XRCC3: variants seen among roughly 807,000 people sequenced by gnomAD.
The protein encoded by XRCC3 is DNA repair protein XRCC3.
A neutral mutation model predicts 29.2 loss-of-function variants in XRCC3; 34 were observed. That is an observed-to-expected ratio of 1.16 (90% CI 0.88 to 1.55). The LOEUF (loss-of-function observed/expected upper bound fraction) is 1.55. Among genes scored for constraint, XRCC3 ranks in the 40% most tolerant of loss-of-function variants. The probability of loss-of-function intolerance (pLI) is 0.00; values close to 1 mark genes in which losing one functional copy is unlikely to be tolerated. For synonymous variants in XRCC3, 223 were observed against 211.3 expected, an observed-to-expected ratio of 1.06 and a Z score of -0.48; for missense variants, 463 against 467.6, an observed-to-expected ratio of 0.99 and a Z score of 0.09.
intron 6 of XRCC3, chr14:103,705,850 G>T (rs3212065): frequency 2.0e-4 from 33 of 164,596 alleles, no homozygotes; most frequent in Non-Finnish European, 4.3e-4. Context: ...GGAGAATGAG[G>T]GCGGCTCCCG....
Position 103,707,193 on chromosome 14 carries a change from C to T in XRCC3, c.216G>A (p.Lys72=), listed in dbSNP as rs950440532. ...GCTGGTGCTGCGTGGGGAACCGCTC[C>T]TTCTGCTGGTGCAGCTGCAGTGCTA... ...ILTALQLHQQ[K]ERFPTQHQRL... is the part of the protein sequence containing the mutation. Residue 72 remains lysine, a synonymous_variant, in exon 6 of 10, where the codon AAG becomes AAA. Transcript: ENST00000555055. 1.4e-5 allele frequency: 21 copies of T among 1,548,852 alleles called. No homozygotes were observed. The highest frequency in any genetic ancestry group is 3.9e-5 in the Admixed American group (2 of 50,982).
At chr14:103,705,983 T>G (rs1466501923) in intron 6 of XRCC3, 1 of 230,034 alleles carries the variant, frequency 4.3e-6, no homozygotes, top group East Asian at 1.1e-4. Context: ...GTCTCCAGGC[T>G]CATCCCCAAG....
intron 1 of XRCC3, among the ~76,000 whole-genome samples, chr14:103,714,633 G>A (rs977413665): frequency 7.9e-5 from 12 of 152,100 alleles, no homozygotes; most frequent in Admixed American, 2.0e-4. Context: ...AAAAATTCAC[G>A]CCTTGTAATA....
At chr14:103,703,349 T>G in intron 6 of XRCC3, 22 bp from the exon 7 acceptor site, 1 of 1,541,834 alleles carries the variant, frequency 6.5e-7, no homozygotes, top group South Asian at 1.2e-5. Flanking sequence ...GAGTGCCTGA[T>G]GTGCCCAGGG....
chr14:103,706,817 T>G, intron 6 of XRCC3, 186 bp downstream of exon 6: 1 of 736,488 alleles, frequency 1.4e-6, no homozygotes, highest in Non-Finnish European at 2.3e-6. Context: ...TGCTGTCAGC[T>G]GAGCCCAGCC....
intron 7 of XRCC3, chr14:103,700,524 C>G (rs1724979475): frequency 1.5e-6 from 1 of 661,744 alleles, no homozygotes; most frequent in African/African-American, 1.9e-5. Context: ...ATGGAGGCTG[C>G]TAAGGGGCCC....
At chr14:103,700,444 T>C in intron 7 of XRCC3, 1 of 476,098 alleles carries the variant, frequency 2.1e-6, no homozygotes, top group East Asian at 3.6e-5. Flanking sequence ...TGGGGGAGGG[T>C]GACACAGCTG....
At chr14:103,700,619 C>CGCCCT in intron 7 of XRCC3, 1 of 1,576,020 alleles carries the variant, frequency 6.3e-7, no homozygotes, top group Non-Finnish European at 8.7e-7. Context: ...GCCGCCTGCA[C>CGCCCT]GCCCTGAGTG....
chr14:103,701,310 A>G (rs2083181484), intron 7 of XRCC3: 21 of 1,182,530 alleles, frequency 1.8e-5, no homozygotes, highest in Non-Finnish European at 2.3e-5. Flanking sequence ...CGCAGCGCTC[A>G]CTCATTTCTC....
chr14:103,710,893 C>A, intron 4 of XRCC3, 140 bp downstream of exon 4: 4 of 737,904 alleles, frequency 5.4e-6, no homozygotes, highest in Middle Eastern at 2.3e-4. Context: ...CCTGAAAATC[C>A]CATAGTACAT....
intron 6 of XRCC3, 185 bp from the exon 7 acceptor site, chr14:103,703,512 G>A: frequency 1.4e-6 from 1 of 693,852 alleles, no homozygotes; most frequent in Non-Finnish European, 2.5e-6. Context: ...CCACCTCCGG[G>A]GCCAGGTGAC....
chr14:103,700,680 G>T (rs1450763984), intron 7 of XRCC3: 1 of 1,607,636 alleles, frequency 6.2e-7, no homozygotes, highest in Non-Finnish European at 8.5e-7. Flanking sequence ...GCCTCTTTTT[G>T]TGGAAAACGA....
chr14:103,698,846 C>CGT lies in XRCC3; in HGVS notation c.991_992dup (p.Ile332ArgfsTer38). ...TCCCTCGCACCCCTTCGGCACTGAT[C>CGT]GTGTAGGAACAGGAGGAGGGGGGCA... On this transcript the variant is annotated frameshift_variant, in exon 10 of 10. Transcript: ENST00000555055. LOFTEE classifies it low-confidence loss of function (END_TRUNC). 6.2e-7 allele frequency: 1 copy of CGT among 1,607,318 alleles called. No homozygotes were observed. The highest frequency in any genetic ancestry group is 8.5e-7 in the Non-Finnish European group (1 of 1,177,552).
intron 5 of XRCC3, 78 bp downstream of exon 5, chr14:103,708,444 A>G: frequency 6.3e-7 from 1 of 1,599,974 alleles, no homozygotes; most frequent in South Asian, 1.1e-5. Flanking sequence ...AAGTCTGCAC[A>G]GCCCCTGCCC....
intron 7 of XRCC3, chr14:103,701,062 G>T: frequency 1.9e-6 from 2 of 1,067,772 alleles, no homozygotes; most frequent in Non-Finnish European, 2.8e-6. Flanking sequence ...TCGGCCCCAG[G>T]GAGGCTCACA....
rs2083626573 is a variant in XRCC3 at position 103,711,448 on chromosome 14, G to A, written c.-159+18C>T. ...AAGACCATCCTCCTGCAGCAGTTGA[G>A]TGCCCTGCCCGACTCACCTCTCTGG... On this transcript the variant is annotated intron_variant, in intron 3 of 9. Coordinates refer to ENST00000555055, the MANE Select transcript of XRCC3 (RefSeq NM_005432.4). The A allele has an allele frequency of 2.0e-6, 1 of 504,792 alleles. No individual in the cohort carries two copies. The highest frequency in any genetic ancestry group is 2.3e-5 in the Admixed American group (1 of 43,906). The allele number at this position is 504,792 out of a possible 1,614,324, so 31.3% of individuals were successfully genotyped here. A position where few individuals can be genotyped will look rare whatever the true frequency, so the allele number is the denominator to read the frequency against.
At chr14:103,704,801 A>C (rs1405787294) in intron 6 of XRCC3, 1 of 152,164 alleles carries the variant, frequency 6.6e-6, no homozygotes. Context: ...GACTGATTTG[A>C]GTAATAATAA....
intron 6 of XRCC3, chr14:103,706,350 G>C (rs1021156517): frequency 4.4e-6 from 2 of 456,080 alleles, no homozygotes; most frequent in Admixed American, 4.7e-5. Context: ...GCTCGGAGGT[G>C]CCACCGATGA....
chr14:103,703,109 C>T, intron 7 of XRCC3, 64 bp downstream of exon 7: 2 of 1,541,094 alleles, frequency 1.3e-6, no homozygotes, highest in Non-Finnish European at 1.7e-6. Flanking sequence ...GTGGTGGCTA[C>T]ACCTGCCCCA....
Sources: gnomAD v4.1 joint callset for allele counts (sites outside exome capture counted in the v4.1 genomes callset) on GRCh38, gnomAD v4.1.1 for gene constraint, MANE v1.5 for transcripts, NCBI Gene and HGNC (gene_info 2026-07-23, HGNC 2026-07-21) for gene names.